Variants in COL6A3 observed in about 807,000 individuals in gnomAD.
The protein encoded by COL6A3 is collagen type VI alpha 3 chain.
COL6A3 carries 137 observed loss-of-function variants against 274.1 expected under a neutral mutation model. The observed-to-expected ratio is 0.50, with a 90% CI of 0.44 to 0.58. The LOEUF is 0.58. Ranked by LOEUF, COL6A3 falls within the 20% of genes least tolerant of loss-of-function variation. The pLI is 0.00. For synonymous variants in COL6A3, 1,650 were observed against 1,650.6 expected, an observed-to-expected ratio of 1.00 and a Z score of 0.01; for missense variants, 3,950 against 4,124.9, an observed-to-expected ratio of 0.96 and a Z score of 1.16.
At position 237,361,056 on chromosome 2, in the gene COL6A3, C is replaced by T; in HGVS notation, c.6210+65G>A. ...TGAACAAATGATGAAATCCACAATG[C>T]AATCCCAATGGGTAAGGATCAAGGA... On this transcript the variant is annotated intron_variant, in intron 16 of 43. Transcript: ENST00000295550. This position sits in a 1 kb window ranked among gnomAD's most constrained non-coding sequence, Gnocchi z 5.1. The T allele has an allele frequency of 7.7e-7, 1 of 1,294,272 alleles. No individual in the cohort carries two copies. The highest frequency in any genetic ancestry group is 1.1e-6 in the Non-Finnish European group (1 of 888,364). The allele number at this position is 1,294,272 out of a possible 1,614,324, so 80.2% of individuals were successfully genotyped here. A position where few individuals can be genotyped will look rare whatever the true frequency, so the allele number is the denominator to read the frequency against.
rs2106312595 is a variant in COL6A3 at position 237,334,870 on chromosome 2, G to C, written c.8985C>G (p.Val2995=). The change falls in exon 41 of 44, where the codon GTC becomes GTG. Residue 2995 remains valine, a synonymous_variant. Transcript: ENST00000295550. ...TGTTCTCTGTTATCTCAAACACCTG[G>C]ACTTCACGGGACATCTTAACTGAAA... The part of the protein sequence containing the change: ...TKPMVKMSRE[V]QVFEITENSA... The C allele has an allele frequency of 8.7e-6, 14 of 1,614,146 alleles. No individual in the cohort carries two copies. Among genetic ancestry groups the C allele is most frequent in the Non-Finnish European group, 1.2e-5 (14 of 1,180,022 alleles).
chr2:237,355,253 C>A lies in COL6A3; in HGVS notation c.6592-319G>T, dbSNP rs79986217. ...ACTCCTTTTGGCTGCACGATCCCAG[C>A]CAGTTTCAAATGAGGAATGTGAAAA... is the stretch of plus-strand genomic sequence containing the variant. On this transcript the variant is annotated intron_variant, in intron 23 of 43. Coordinates refer to ENST00000295550, the MANE Select transcript of COL6A3 (RefSeq NM_004369.4). The A allele has an allele frequency of 3.0e-3, 1,021 of 337,964 alleles. 8 individuals are homozygous for A. The highest frequency in any genetic ancestry group is 0.019 in the African/African-American group (933 of 48,186). 20.9% of individuals were successfully genotyped at this position (337,964 alleles called of 1,614,324 possible).
intron 5 of COL6A3, 34 bp downstream of exon 5, chr2:237,380,880 AC>A (rs1397201441): frequency 6.3e-7 from 1 of 1,597,090 alleles, no homozygotes; most frequent in East Asian, 2.2e-5. Flanking sequence ...CCTGGAGACC[AC>A]CCCATTGTGT....
chr2:237,365,724 T>C lies in COL6A3; in HGVS notation c.5812A>G (p.Arg1938Gly). 3 of 1,614,208 alleles carry C rather than the reference T, an allele frequency of 1.9e-6. No homozygotes were observed. The highest frequency in any genetic ancestry group is 2.5e-6 in the Non-Finnish European group (3 of 1,180,040). Reference protein sequence around the residue: ...DTLKVYLNKFRQSSPDSVKVV... With the variant: ...DTLKVYLNKFGQSSPDSVKVV... The stretch of plus-strand genomic sequence containing the variant: ...TTCACGCTGTCCGGCGAGGACTGTC[T>C]GAACTTGTTCAGGTAGACCTTCAGG... The change falls in exon 12 of 44, where the codon AGA becomes GGA. Residue 1938 changes from arginine (R) to glycine (G), a missense_variant. By Grantham distance (125) the Arg-to-Gly change is moderately radical (BLOSUM62 -2). Around this residue, in one of 5 missense-constraint regions of COL6A3, gnomAD observed 632 missense variants for 623.4 expected, o/e 1.01. Transcript: ENST00000295550.
In COL6A3 at chr2:237,378,830, C is replaced by T. The variant is rs575412915; in HGVS notation, c.2303G>A (p.Arg768His). Residue 768 changes from arginine to histidine, a missense_variant, in exon 6 of 44, where the codon CGC becomes CAC. Arg to His is a conservative substitution (Grantham distance 29). Coordinates refer to ENST00000295550, the MANE Select transcript of COL6A3 (RefSeq NM_004369.4). ...SYLQAANALT[R>H]AGILTFCVGA... is the part of the protein sequence containing the mutation. ...CACACAAAAAGTCAGGATGCCCGCGCGTGTCAAGGCGTTGGCAGCTTGCAA... is the reference window on the plus strand; with the variant it reads ...CACACAAAAAGTCAGGATGCCCGCGTGTGTCAAGGCGTTGGCAGCTTGCAA... 6.9e-5 allele frequency: 111 copies of T among 1,614,110 alleles called. No homozygotes were observed. Among genetic ancestry groups the T allele is most frequent in the Middle Eastern group, 1.6e-4 (1 of 6,084 alleles).
Position 237,342,059 on chromosome 2 carries a change from G to C in COL6A3, c.7765+6C>G. The C allele has an allele frequency of 6.2e-7, 1 of 1,613,368 alleles. No homozygotes were observed. Among genetic ancestry groups the C allele is most frequent in the Non-Finnish European group, 8.5e-7 (1 of 1,179,368 alleles). On this transcript the variant is annotated splice_donor_region_variant and intron_variant, in intron 37 of 43. Transcript: ENST00000295550. ...AGCAGATCTTCCTGTTAGAGAAACA[G>C]CTTACCCAAGCAAACATGACACGTG...
At chr2:237,325,773 C>T in intron 42 of COL6A3, 49 bp from the exon 43 acceptor site, 1 of 1,547,598 alleles carries the variant, frequency 6.5e-7, no homozygotes, top group Non-Finnish European at 8.9e-7. Context: ...ATGCGTGTTA[C>T]TCGGCTCCCA....
intron 1 of COL6A3, among the ~76,000 whole-genome samples, chr2:237,405,140 C>T (rs189409551): frequency 2.3e-4 from 35 of 152,242 alleles, no homozygotes; most frequent in Middle Eastern, 3.4e-3. Context: ...AATGCGTTAT[C>T]CAGGCTCCAC....
intron 13 of COL6A3, 118 bp from the exon 14 acceptor site, chr2:237,363,516 A>G: frequency 1.7e-6 from 2 of 1,148,174 alleles, no homozygotes; most frequent in Non-Finnish European, 2.5e-6. Context: ...TTTAACTTAA[A>G]TATATTTAAT....
intron 4 of COL6A3, chr2:237,386,603 C>T (rs1227987988): frequency 6.6e-6 from 1 of 152,108 alleles, no homozygotes; most frequent in Non-Finnish European, 1.5e-5. Flanking sequence ...TTCATTGAGC[C>T]CATACTCTGG....
chr2:237,345,614 A>C (rs189736674), intron 32 of COL6A3, among the ~76,000 whole-genome samples: 1 of 152,240 alleles, frequency 6.6e-6, no homozygotes, highest in Non-Finnish European at 1.5e-5. Flanking sequence ...TCCGTGTCTA[A>C]AGCATCCCAG....
chr2:237,376,075 A>G (rs10929229), intron 7 of COL6A3, among the ~76,000 whole-genome samples: 35,183 of 152,094 alleles, frequency 0.23, 4,022 homozygotes, highest in Middle Eastern at 0.3. Context: ...GAGTTGCTGC[A>G]AGTCACAAGT....
intron 3 of COL6A3, among the ~76,000 whole-genome samples, chr2:237,389,577 G>A (rs962839262): frequency 6.6e-6 from 1 of 152,148 alleles, no homozygotes; most frequent in African/African-American, 2.4e-5. Flanking sequence ...AGGATCCAAA[G>A]CTTGTCTCAC....
intron 27 of COL6A3, 141 bp downstream of exon 27, chr2:237,350,989 G>T (rs1423767473): frequency 3.1e-5 from 24 of 782,786 alleles, no homozygotes; most frequent in Non-Finnish European, 5.2e-5. Context: ...CACTGGCCAA[G>T]CCGCGATCAA....
rs576051319 is a variant in COL6A3 at position 237,413,466 on chromosome 2, G to A, written c.-31+487C>T. Among the ~76,000 whole-genome samples, 57 of 152,250 alleles carry A rather than the reference G, an allele frequency of 3.7e-4. No individual in the cohort carries two copies. The highest frequency in any genetic ancestry group is 1.3e-3 in the African/African-American group (55 of 41,532). ...GCTCCACCAGGACCTTCCCATGGGC[G>A]GCCCTGGGCAGAAAACCCATGCAGG... On this transcript the variant is annotated intron_variant, in intron 1 of 43. Transcript: ENST00000295550. The surrounding 1 kb of genome is among the most constrained non-coding windows in gnomAD (Gnocchi z 4.0).
At chr2:237,359,683 AC>A (rs766439833) in intron 17 of COL6A3, among the ~76,000 whole-genome samples, 28 of 152,106 alleles carry the variant, frequency 1.8e-4, no homozygotes, top group Admixed American at 3.3e-4. Flanking sequence ...TCCCTTCAGC[AC>A]CTGCCTTCAA....
Position 237,378,928 on chromosome 2 carries a change from G to A in COL6A3, c.2205C>T (p.Gly735=), listed in dbSNP as rs148713779. ...GCACGTGTTCACGGATCCTGCTGCC[G>A]CCAGCTTCCGTGAAGTGGTTGGCAT... ...YVYANHFTEA[G]GSRIREHVPQ... The change falls in exon 6 of 44, where the codon GGC becomes GGT. Residue 735 remains glycine (G), a synonymous_variant. Coordinates refer to ENST00000295550, the MANE Select transcript of COL6A3 (RefSeq NM_004369.4). The A allele has an allele frequency of 3.5e-4, 567 of 1,614,178 alleles. 2 individuals carry two copies. Among genetic ancestry groups the A allele is most frequent in the South Asian group, 1.4e-4 (13 of 91,080 alleles).
chr2:237,351,851 G>T (rs905868186), intron 26 of COL6A3, among the ~76,000 whole-genome samples: 43 of 152,186 alleles, frequency 2.8e-4, no homozygotes, highest in Non-Finnish European at 7.3e-5. Context: ...GTTCTTGCCT[G>T]CTTCCACCAT....
Position 237,336,226 on chromosome 2 carries a change from A to G in COL6A3, c.8874T>C (p.Ala2958=). 2 of 1,613,872 alleles carry G rather than the reference A, an allele frequency of 1.2e-6. No individual in the cohort carries two copies. The highest frequency in any genetic ancestry group is 8.5e-7 in the Non-Finnish European group (1 of 1,179,834). The change falls in exon 40 of 44, where the codon GCT becomes GCC. Residue 2958 remains alanine (A), a synonymous_variant. Transcript: ENST00000295550. ...KPAAVRPPAA[A]AAKPVATKPE... ...GCTTGGTCGCCACTGGTTTTGCAGC[A>G]GCAGCAGCGGGGGGTCTTACAGCTG...
Sources: allele counts gnomAD v4.1 joint callset (sites outside exome capture counted in the v4.1 genomes callset), GRCh38; gene constraint gnomAD v4.1.1; regional missense constraint gnomAD v4.1.1; non-coding constraint Gnocchi (gnomAD v3.1); transcripts MANE v1.5; gene names NCBI Gene and HGNC (gene_info 2026-07-23, HGNC 2026-07-21).